Variants in TENM2 observed in about 807,000 individuals in gnomAD.
TENM2 encodes teneurin transmembrane protein 2.
A neutral mutation model predicts 245.2 loss-of-function variants in TENM2; 52 were observed. The ratio of observed to expected loss-of-function variants is 0.21; its 90% CI spans 0.17 to 0.27. The LOEUF is 0.27. Among genes scored for constraint, TENM2 ranks in the 10% least tolerant of loss-of-function variants. TENM2 has a pLI of 1.00. For missense variants in TENM2, 3,046 were observed against 3,666.8 expected, an observed-to-expected ratio of 0.83 and a Z score of 4.37; for synonymous variants, 1,363 against 1,438.9, an observed-to-expected ratio of 0.95 and a Z score of 1.19.
intron 4 of TENM2, among the ~76,000 whole-genome samples, chr5:167,964,379 A>G (rs116776795): frequency 6.6e-6 from 1 of 152,330 alleles, no homozygotes; most frequent in African/African-American, 2.4e-5. Context: ...CTCTGAGTTC[A>G]CTTTTGCCCT....
At position 168,162,891 on chromosome 5, in the gene TENM2, A is replaced by G. The variant is rs565573467; in HGVS notation, c.2569+134A>G. The G allele has an allele frequency of 1.2e-3, 1,347 of 1,114,378 alleles. 4 individuals carry two copies. The highest frequency in any genetic ancestry group is 1.6e-3 in the Non-Finnish European group (1,272 of 780,798). The allele number at this position is 1,114,378 out of a possible 1,614,324, so 69.0% of individuals were successfully genotyped here. The stretch of plus-strand genomic sequence containing the variant: ...TTGTTGTAACATTTTCTTTGAAGCA[A>G]ATGCAGCAGAGAACAGGTGTCCTTA... On this transcript the variant is annotated intron_variant, in intron 13 of 28. Transcript: ENST00000518659.
intron 5 of TENM2, among the ~76,000 whole-genome samples, chr5:167,994,834 A>G (rs1002534945): frequency 2.6e-5 from 4 of 152,172 alleles, no homozygotes; most frequent in Non-Finnish European, 5.9e-5. Context: ...GAAGTAATGG[A>G]TTGACCTCAG....
At chr5:167,329,710 G>T (rs115202054) in intron 1 of TENM2, among the ~76,000 whole-genome samples, 345 of 152,184 alleles carry the variant, frequency 2.3e-3, no homozygotes, top group African/African-American at 7.7e-3. Context: ...CCAGCTATGA[G>T]ATGTATGAGA....
intron 13 of TENM2, among the ~76,000 whole-genome samples, chr5:168,183,590 C>T (rs565432088): frequency 1.7e-4 from 26 of 152,180 alleles, no homozygotes; most frequent in Non-Finnish European, 3.2e-4. Flanking sequence ...GACCCCTGCA[C>T]CTTCTTCATT....
the TENM2 span, among the ~76,000 whole-genome samples, chr5:167,228,409 A>T: frequency 1.1e-4 from 17 of 151,888 alleles, no homozygotes; most frequent in African/African-American, 4.1e-4. Flanking sequence ...TAAGTTCTTC[A>T]GTTCCAGAAT....
At chr5:167,231,573 A>G in the TENM2 span, among the ~76,000 whole-genome samples, 1 of 152,228 alleles carries the variant, frequency 6.6e-6, no homozygotes, top group African/African-American at 2.4e-5. Flanking sequence ...GCAGCAAAGC[A>G]TTCAAGAAGT....
the TENM2 span, among the ~76,000 whole-genome samples, chr5:167,134,676 AC>A: frequency 6.6e-6 from 1 of 152,052 alleles, no homozygotes; most frequent in Admixed American, 6.6e-5. Flanking sequence ...GCTTTCTCTG[AC>A]CCATTTTTCA....
Position 168,162,768 on chromosome 5 carries a change from G to C in TENM2, c.2569+11G>C. ...AGGATAATGAGGGAGGTGAGCACGC[G>C]TCTTCTCATTCCCAGCCCCTAAGAG... On this transcript the variant is annotated intron_variant, in intron 13 of 28. Coordinates refer to ENST00000518659, the Ensembl canonical transcript of TENM2. The C allele has an allele frequency of 6.2e-7, 1 of 1,613,322 alleles. No individual in the cohort carries two copies. Among genetic ancestry groups the C allele is most frequent in the South Asian group, 1.1e-5 (1 of 91,046 alleles).
intron 2 of TENM2, among the ~76,000 whole-genome samples, chr5:167,387,271 T>TTG (rs1561914903): frequency 2.8e-5 from 4 of 140,800 alleles, no homozygotes; most frequent in East Asian, 2.1e-4. Context: ...TGTTGTTGTT[T>TTG]TTGTGGTTAT....
At chr5:167,317,736 T>G (rs4242220) in intron 1 of TENM2, among the ~76,000 whole-genome samples, 77,483 of 151,988 alleles carry the variant, frequency 0.51, 21,082 homozygotes, top group Admixed American at 0.61. Flanking sequence ...GCCATTTCTG[T>G]GTCGGTTTCC....
At chr5:167,372,788 T>C (rs1467311753) in intron 1 of TENM2, among the ~76,000 whole-genome samples, 1 of 152,164 alleles carries the variant, frequency 6.6e-6, no homozygotes, top group East Asian at 1.9e-4. Context: ...TTTCAATGAC[T>C]TAAGGATGAG....
At chr5:167,002,419 G>A in the TENM2 span, among the ~76,000 whole-genome samples, 1 of 152,220 alleles carries the variant, frequency 6.6e-6, no homozygotes, top group Admixed American at 6.5e-5. Context: ...TGTCTCCAAA[G>A]ATAAAAGTCT....
chr5:167,699,995 A>G (rs1235799963), intron 2 of TENM2, among the ~76,000 whole-genome samples: 4 of 152,308 alleles, frequency 2.6e-5, no homozygotes, highest in African/African-American at 9.6e-5. Context: ...TGTAAATGCA[A>G]TAATATATTG....
intron 2 of TENM2, among the ~76,000 whole-genome samples, chr5:167,722,391 GATAGATAA>G (rs1175949913): frequency 2.0e-5 from 3 of 152,080 alleles, no homozygotes; most frequent in African/African-American, 7.3e-5. Flanking sequence ...TAGATTGATA[GATAGATAA>G]ATAGATAGAT....
chr5:167,941,684 C>CA (rs981805963), intron 3 of TENM2, among the ~76,000 whole-genome samples: 2,595 of 109,970 alleles, frequency 0.024, 56 homozygotes, highest in African/African-American at 0.06. Context: ...CCATCTCTAC[C>CA]AAAAAAAAAA....
chr5:167,621,780 T>C (rs560299338), intron 2 of TENM2, among the ~76,000 whole-genome samples: 1 of 152,302 alleles, frequency 6.6e-6, no homozygotes, highest in Non-Finnish European at 1.5e-5. Flanking sequence ...ATGGCCCACC[T>C]GCATCACAGT....
intron 3 of TENM2, among the ~76,000 whole-genome samples, chr5:167,883,392 G>GCA (rs138368123): frequency 9.9e-5 from 15 of 151,440 alleles, no homozygotes; most frequent in South Asian, 2.1e-4. Flanking sequence ...GTGTGCACAC[G>GCA]CACACACACA....
intron 3 of TENM2, among the ~76,000 whole-genome samples, chr5:167,932,085 AG>A (rs1252912558): frequency 1.3e-5 from 2 of 152,204 alleles, no homozygotes; most frequent in African/African-American, 4.8e-5. Flanking sequence ...AACAGTTGTA[AG>A]TCGGGAGTCT....
intron 2 of TENM2, among the ~76,000 whole-genome samples, chr5:167,686,810 G>A: frequency 6.6e-6 from 1 of 152,090 alleles, no homozygotes; most frequent in East Asian, 1.9e-4. Flanking sequence ...GACACCTCAG[G>A]GGTTCCCTCA....
Sources: gnomAD v4.1 joint callset for allele counts (sites outside exome capture counted in the v4.1 genomes callset) on GRCh38, gnomAD v4.1.1 for gene constraint, MANE v1.5 for transcripts, NCBI Gene and HGNC (gene_info 2026-07-23, HGNC 2026-07-21) for gene names.